CNTLN: variants seen among roughly 807,000 people sequenced by gnomAD.
CNTLN encodes centlein, centrosomal protein.
In CNTLN, 212 loss-of-function variants were observed where a neutral mutation model predicts 180.0. That is an observed-to-expected ratio of 1.18 (90% confidence interval 1.05 to 1.32). CNTLN has a LOEUF of 1.32. CNTLN is among the 40% of genes most tolerant of loss of function. CNTLN has a pLI of 0.00. For missense variants in CNTLN, 2,095 were observed against 1,610.9 expected, an observed-to-expected ratio of 1.30 and a Z score of -5.14; for synonymous variants, 722 against 563.1, an observed-to-expected ratio of 1.28 and a Z score of -3.99.
intron 25 of CNTLN, among the ~76,000 whole-genome samples, chr9:17,499,802 TA>T (rs915550521): frequency 2.6e-5 from 4 of 152,162 alleles, no homozygotes; most frequent in African/African-American, 9.6e-5. Flanking sequence ...CTTATGTATT[TA>T]AAAAATAATT....
intron 18 of CNTLN, among the ~76,000 whole-genome samples, chr9:17,457,266 GT>G (rs1831180870): frequency 6.6e-6 from 1 of 152,064 alleles, no homozygotes; most frequent in Non-Finnish European, 1.5e-5. Flanking sequence ...TAAAGAAATA[GT>G]GCATCATGAG....
At chr9:17,498,770 C>T (rs755977970) in intron 25 of CNTLN, among the ~76,000 whole-genome samples, 1 of 152,076 alleles carries the variant, frequency 6.6e-6, no homozygotes, top group African/African-American at 2.4e-5. Flanking sequence ...CTGGCAAATA[C>T]CATCTGAGAT....
chr9:17,440,328 C>G (rs542654044), intron 18 of CNTLN, among the ~76,000 whole-genome samples: 1 of 150,492 alleles, frequency 6.6e-6, no homozygotes, highest in South Asian at 2.1e-4. Flanking sequence ...AATCCCAGCA[C>G]TTTGGGAGGC....
At chr9:17,156,550 T>G (rs969143435) in intron 2 of CNTLN, among the ~76,000 whole-genome samples, 3 of 152,164 alleles carry the variant, frequency 2.0e-5, no homozygotes, top group African/African-American at 4.8e-5. Flanking sequence ...ATTGGGTTAT[T>G]TATTCTGTAG....
At chr9:17,271,563 T>C (rs1827947397) in intron 5 of CNTLN, among the ~76,000 whole-genome samples, 1 of 152,162 alleles carries the variant, frequency 6.6e-6, no homozygotes, top group South Asian at 2.1e-4. Flanking sequence ...ATACATATAT[T>C]ATATCCACCA....
At chr9:17,292,435 A>T (rs1241382539) in intron 6 of CNTLN, among the ~76,000 whole-genome samples, 1 of 152,186 alleles carries the variant, frequency 6.6e-6, no homozygotes, top group African/African-American at 2.4e-5. Flanking sequence ...TCTTTCAGGT[A>T]TCCAAGTCAG....
chr9:17,469,579 T>C (rs1831942559), intron 23 of CNTLN, among the ~76,000 whole-genome samples: 1 of 151,796 alleles, frequency 6.6e-6, no homozygotes, highest in Admixed American at 6.6e-5. Context: ...ACTACCACAT[T>C]AGGTGCGTTA....
chr9:17,409,688 A>G (rs1827689180), intron 16 of CNTLN, among the ~76,000 whole-genome samples: 6 of 150,100 alleles, frequency 4.0e-5, no homozygotes, highest in Non-Finnish European at 8.9e-5. Flanking sequence ...ATTCTTATAA[A>G]TCTTAAGGTA....
downstream of CNTLN, among the ~76,000 whole-genome samples, chr9:17,507,819 G>A (rs903584886): frequency 5.3e-5 from 8 of 152,120 alleles, no homozygotes; most frequent in African/African-American, 1.7e-4. Context: ...CCAATCCTCA[G>A]TTTCCTTCTT....
intron 8 of CNTLN, among the ~76,000 whole-genome samples, chr9:17,318,002 A>G (rs776641734): frequency 9.9e-5 from 15 of 151,158 alleles, no homozygotes; most frequent in Non-Finnish European, 1.9e-4. Flanking sequence ...GAGTGGTGAG[A>G]TCTAACTGAA....
chr9:17,416,042 A>T lies in CNTLN; in HGVS notation c.2967A>T (p.Ile989=). ...SNIILLRERI[I]SLQQQNSVLQ... is the part of the protein sequence containing the mutation. ...TTATTTTATTACGAGAACGGATTAT[A>T]TCCTTGCAACAACAAAACAGTGTAC... Residue 989 remains isoleucine (I), a synonymous_variant, in exon 18 of 26, where the codon ATA becomes ATT. Transcript: ENST00000380647. The T allele has an allele frequency of 1.9e-6, 3 of 1,613,702 alleles. No individual in the cohort carries two copies. Among genetic ancestry groups the T allele is most frequent in the Non-Finnish European group, 2.5e-6 (3 of 1,179,756 alleles).
intron 2 of CNTLN, among the ~76,000 whole-genome samples, chr9:17,208,999 C>T (rs1373856020): frequency 6.6e-6 from 1 of 151,456 alleles, no homozygotes; most frequent in Non-Finnish European, 1.5e-5. Flanking sequence ...TTTTGTTTGC[C>T]CTTTCCTAGT....
chr9:17,438,986 T>G (rs750435343), intron 18 of CNTLN, among the ~76,000 whole-genome samples: 1 of 152,166 alleles, frequency 6.6e-6, no homozygotes, highest in Non-Finnish European at 1.5e-5. Flanking sequence ...AATGATATAC[T>G]TTATCATTCT....
At chr9:17,435,482 AG>A (rs2134006630) in intron 18 of CNTLN, among the ~76,000 whole-genome samples, 1 of 152,242 alleles carries the variant, frequency 6.6e-6, no homozygotes, top group East Asian at 1.9e-4. Flanking sequence ...AAAAGATGGT[AG>A]GAGGAGCATT....
chr9:17,242,599 C>A (rs915297611), intron 5 of CNTLN, among the ~76,000 whole-genome samples: 1 of 152,196 alleles, frequency 6.6e-6, no homozygotes, highest in South Asian at 2.1e-4. Context: ...GCGTGAGCCA[C>A]CACACCTGGC....
At chr9:17,351,505 A>G (rs1295871859) in intron 12 of CNTLN, among the ~76,000 whole-genome samples, 4 of 152,238 alleles carry the variant, frequency 2.6e-5, no homozygotes, top group Non-Finnish European at 4.4e-5. Flanking sequence ...AAATGGTATT[A>G]TAATCTATCA....
chr9:17,323,664 T>A (rs1046595069), intron 8 of CNTLN, among the ~76,000 whole-genome samples: 1 of 152,226 alleles, frequency 6.6e-6, no homozygotes, highest in Non-Finnish European at 1.5e-5. Flanking sequence ...TCAGTTGGTT[T>A]TCAACTGCTG....
chr9:17,440,588 C>CAAA lies in CNTLN; in HGVS notation c.3115-16924_3115-16922dup, dbSNP rs35350865. Among the ~76,000 whole-genome samples, 482 of 114,522 alleles carry CAAA rather than the reference C, an allele frequency of 4.2e-3. 15 individuals are homozygous for CAAA. In the East Asian group the frequency reaches 0.073, roughly 17 times the overall value. The allele number at this position is 114,522 out of a possible 152,430, so 75.1% of individuals were successfully genotyped here. A position where few individuals can be genotyped will look rare whatever the true frequency, so the allele number is the denominator to read the frequency against. On this transcript the variant is annotated intron_variant, in intron 18 of 25. Coordinates refer to ENST00000380647, the MANE Select transcript of CNTLN (RefSeq NM_017738.4). ...TGGGCGACGGAGCGAGACTCCGTCT[C>CAAA]AAAAAAAAAAAAAAGAACTGAAAAC...
chr9:17,337,026 A>G (rs1344057253), intron 10 of CNTLN, among the ~76,000 whole-genome samples: 3 of 152,186 alleles, frequency 2.0e-5, no homozygotes, highest in Non-Finnish European at 4.4e-5. Context: ...ATGAGATGGT[A>G]TCTCATTGTG....
Sources: gnomAD v4.1 joint callset for allele counts (sites outside exome capture counted in the v4.1 genomes callset) on GRCh38, gnomAD v4.1.1 for gene constraint, MANE v1.5 for transcripts, NCBI Gene and HGNC (gene_info 2026-07-23, HGNC 2026-07-21) for gene names.